CDH23: variants seen among roughly 807,000 people sequenced by gnomAD.
CDH23 encodes cadherin related 23.
A neutral mutation model predicts 317.1 loss-of-function variants in CDH23; 189 were observed. That is an observed-to-expected ratio of 0.60 (90% confidence interval 0.53 to 0.67). The LOEUF (loss-of-function observed/expected upper bound fraction) is 0.67, where lower values mean the gene tolerates loss of function less well. Among genes scored for constraint, CDH23 ranks in the 30% least tolerant of loss-of-function variants. CDH23 has a pLI of 0.00. For missense variants in CDH23, 4,401 were observed against 4,592.4 expected, an observed-to-expected ratio of 0.96 and a Z score of 1.20; for synonymous variants, 1,839 against 1,876.8, an observed-to-expected ratio of 0.98 and a Z score of 0.52.
At chr10:71,665,993 A>G (rs1210467819) in intron 14 of CDH23, among the ~76,000 whole-genome samples, 2 of 152,216 alleles carry the variant, frequency 1.3e-5, no homozygotes, top group Non-Finnish European at 2.9e-5. Flanking sequence ...TCTGCAGTCA[A>G]TGCCGTGATC....
rs754520993 is a variant in CDH23 at position 71,807,553 on chromosome 10, T to A, written c.8346T>A (p.Asp2782Glu). Reference protein sequence around the residue: ...NEEKNFHLQPDGCLLVLRDLD... With the variant: ...NEEKNFHLQPEGCLLVLRDLD... ...AGAAGAACTTCCATCTGCAGCCCGA[T>A]GGGTGTCTGCTGGTGCTGCGGGACC... is the stretch of plus-strand genomic sequence containing the variant. The change falls in exon 59 of 70, where the codon GAT becomes GAA. Residue 2782 changes from aspartate (D) to glutamate (E), a missense_variant. By Grantham distance (45) the Asp-to-Glu change is conservative. Around this residue, in one of 3 missense-constraint regions of CDH23, gnomAD observed 1,144 missense variants for 1,138.2 expected, o/e 1.01. Coordinates refer to ENST00000224721, the MANE Select transcript of CDH23 (RefSeq NM_022124.6). 9 of 1,613,994 alleles carry A rather than the reference T, an allele frequency of 5.6e-6. No homozygotes were observed. The highest frequency in any genetic ancestry group is 5.5e-5 in the South Asian group (5 of 91,082).
At chr10:71,400,777 C>A (rs1002781311) in intron 1 of CDH23, among the ~76,000 whole-genome samples, 2 of 152,006 alleles carry the variant, frequency 1.3e-5, no homozygotes, top group South Asian at 4.1e-4. Context: ...CCAGCCTGGG[C>A]GACAGAGTGA....
chr10:71,811,314 G>A lies in CDH23; in HGVS notation c.9078-1G>A. On this transcript the variant is annotated splice_acceptor_variant, in intron 62 of 69. Coordinates refer to ENST00000224721, the MANE Select transcript of CDH23 (RefSeq NM_022124.6). LOFTEE classifies it high-confidence loss of function. ...AGCTGAGACCCCTGCCCCTCGCCCA[G>A]GGTGATCCAGATGATCGATGAGAAC... 1 of 1,613,812 alleles carries A rather than the reference G, an allele frequency of 6.2e-7. No homozygotes were observed. Among genetic ancestry groups the A allele is most frequent in the Non-Finnish European group, 8.5e-7 (1 of 1,179,862 alleles).
At position 71,815,432 on chromosome 10, in the gene CDH23, A is replaced by G; in HGVS notation, c.*154A>G. 1 of 602,742 alleles carries G rather than the reference A, an allele frequency of 1.7e-6. No homozygotes were observed. Among genetic ancestry groups the G allele is most frequent in the Non-Finnish European group, 2.8e-6 (1 of 358,114 alleles). 37.3% of individuals were successfully genotyped at this position (602,742 alleles called of 1,614,324 possible). ...CCCTGGCAGCCCGCATCAGCTGCTCAGATCCCACTTTTGCCAGACGCTCAT... is the reference window on the plus strand; with the variant it reads ...CCCTGGCAGCCCGCATCAGCTGCTCGGATCCCACTTTTGCCAGACGCTCAT... On this transcript the variant is annotated 3_prime_UTR_variant, in exon 70 of 70. Coordinates refer to ENST00000224721, the MANE Select transcript of CDH23 (RefSeq NM_022124.6).
intron 38 of CDH23, among the ~76,000 whole-genome samples, chr10:71,754,036 T>C (rs1368428560): frequency 1.3e-5 from 2 of 152,200 alleles, no homozygotes; most frequent in African/African-American, 4.8e-5. Flanking sequence ...CAAACTGCCG[T>C]CCTCAAGGCT....
intron 1 of CDH23, among the ~76,000 whole-genome samples, chr10:71,420,858 C>G (rs866716352): frequency 6.6e-5 from 10 of 152,180 alleles, no homozygotes; most frequent in Middle Eastern, 6.8e-3. Flanking sequence ...CATTTCTCGG[C>G]ACCACCCCCA....
At chr10:71,635,360 GAA>G (rs2132563128) in intron 11 of CDH23, 1 of 152,760 alleles carries the variant, frequency 6.5e-6, no homozygotes, top group African/African-American at 2.4e-5. Flanking sequence ...CATCCGCGGT[GAA>G]AATGATGGTG....
At chr10:71,420,422 G>GTGA (rs753629464) in intron 1 of CDH23, among the ~76,000 whole-genome samples, 2 of 124,572 alleles carry the variant, frequency 1.6e-5, no homozygotes, top group Non-Finnish European at 1.8e-5. Context: ...GATGGTGATG[G>GTGA]TGATGATGAT....
At chr10:71,452,448 C>T (rs12266736) in intron 3 of CDH23, among the ~76,000 whole-genome samples, 214 of 152,310 alleles carry the variant, frequency 1.4e-3, no homozygotes, top group African/African-American at 4.8e-3. Flanking sequence ...GCACTGACAC[C>T]TCGCACACTG....
chr10:71,794,920 G>A (rs1841359655), intron 48 of CDH23, among the ~76,000 whole-genome samples: 1 of 152,170 alleles, frequency 6.6e-6, no homozygotes, highest in Non-Finnish European at 1.5e-5. Context: ...GGAGACTGAA[G>A]AGTAAAATAT....
chr10:71,611,798 G>A (rs1223428065), intron 9 of CDH23, among the ~76,000 whole-genome samples: 1 of 152,152 alleles, frequency 6.6e-6, no homozygotes, highest in African/African-American at 2.4e-5. Context: ...CAATTGTGTG[G>A]TTTTATCATG....
At chr10:71,714,952 C>T (rs1866142969) in intron 28 of CDH23, 1 of 152,240 alleles carries the variant, frequency 6.6e-6, no homozygotes, top group Non-Finnish European at 1.5e-5. Context: ...CTGAGAAGCC[C>T]ATCCTGGGGT....
chr10:71,594,460 G>A (rs113221980), intron 9 of CDH23, among the ~76,000 whole-genome samples: 55 of 151,944 alleles, frequency 3.6e-4, no homozygotes, highest in African/African-American at 1.2e-3. Context: ...CACAAACTCC[G>A]CCTCCTGAGT....
At chr10:71,456,122 C>T (rs1032741096) in intron 3 of CDH23, among the ~76,000 whole-genome samples, 2 of 150,886 alleles carry the variant, frequency 1.3e-5, no homozygotes, top group African/African-American at 4.9e-5. Flanking sequence ...GGAGCTAGAG[C>T]GCTTAAGGAG....
intron 1 of CDH23, among the ~76,000 whole-genome samples, chr10:71,400,645 A>G (rs1254419978): frequency 4.6e-5 from 7 of 152,138 alleles, no homozygotes; most frequent in Non-Finnish European, 1.0e-4. Context: ...CTAAAAATAC[A>G]AAAATTACCC....
chr10:71,639,548 G>A (rs1285881043), intron 11 of CDH23, among the ~76,000 whole-genome samples: 1 of 152,230 alleles, frequency 6.6e-6, no homozygotes, highest in East Asian at 1.9e-4. Context: ...GGCCAGGAGA[G>A]CTGCATGGTT....
intron 6 of CDH23, among the ~76,000 whole-genome samples, chr10:71,536,098 G>A (rs1206282078): frequency 6.6e-6 from 1 of 152,276 alleles, no homozygotes; most frequent in African/African-American, 2.4e-5. Context: ...CCCTCAGGAA[G>A]CCTGCGCTTG....
intron 19 of CDH23, among the ~76,000 whole-genome samples, chr10:71,689,350 C>T (rs1431845773): frequency 9.2e-5 from 14 of 152,072 alleles, no homozygotes; most frequent in Admixed American, 9.2e-4. Context: ...CCAGCCTACC[C>T]TGCCTGTCCT....
In CDH23 at chr10:71,812,553, C is replaced by A. The variant is rs1400002431; in HGVS notation, c.9454C>A (p.Leu3152Ile). ...CGCCCAGGCGGAGCATGAGGATGAC[C>A]TACCGGAGAACCTGAGTGAGATCGC... Reference protein sequence around the residue: ...LAAQAEHEDDLPENLSEIADL... With the variant: ...LAAQAEHEDDIPENLSEIADL... Residue 3152 changes from leucine (L) to isoleucine (I), a missense_variant, in exon 67 of 70, where the codon CTA becomes ATA. Around this residue, in one of 3 missense-constraint regions of CDH23, gnomAD observed 1,144 missense variants for 1,138.2 expected, o/e 1.01. Transcript: ENST00000224721. 1 of 1,613,968 alleles carries A rather than the reference C, an allele frequency of 6.2e-7. No individual in the cohort carries two copies. Among genetic ancestry groups the A allele is most frequent in the South Asian group, 1.1e-5 (1 of 91,092 alleles).
Sources: gnomAD v4.1 joint callset for allele counts (sites outside exome capture counted in the v4.1 genomes callset) on GRCh38, gnomAD v4.1.1 for gene constraint, gnomAD v4.1.1 regional missense constraint, MANE v1.5 for transcripts, NCBI Gene and HGNC (gene_info 2026-07-23, HGNC 2026-07-21) for gene names.